Variants in AK2 observed in about 807,000 individuals in gnomAD.
AK2 encodes the protein adenylate kinase 2, mitochondrial.
AK2 carries 15 observed loss-of-function variants against 24.6 expected under a neutral mutation model. The observed-to-expected ratio is 0.61, with a 90% CI of 0.41 to 0.94. AK2 has a LOEUF of 0.94. AK2 is among the 40% of genes least tolerant of loss of function. AK2 has a pLI of 0.00. For synonymous variants in AK2, 102 were observed against 114.0 expected (o/e 0.90, Z 0.67); for missense variants, 257 against 304.1 (o/e 0.85, Z 1.15).
intron 5 of AK2, among the ~76,000 whole-genome samples, chr1:33,013,788 A>G (rs1639000959): frequency 6.6e-6 from 1 of 152,250 alleles, no homozygotes; most frequent in Admixed American, 6.5e-5. Context: ...AAGATACATT[A>G]GCAATTGTAA....
chr1:33,017,830 G>A (rs1330102286), intron 4 of AK2, among the ~76,000 whole-genome samples: 1 of 152,210 alleles, frequency 6.6e-6, no homozygotes, highest in East Asian at 1.9e-4. Context: ...TCATGGCTCA[G>A]TGCAGCCTCG....
chr1:33,036,822 G>A lies in AK2; in HGVS notation c.7C>T (p.Pro3Ser), dbSNP rs778787306. 10 of 1,591,812 alleles carry A rather than the reference G, an allele frequency of 6.3e-6. No individual in the cohort carries two copies. The highest frequency in any genetic ancestry group is 8.5e-6 in the Non-Finnish European group (10 of 1,169,888). MA[P>S]SVPAAEPEYP... Reference sequence around the variant, plus strand: ...TCGGGTTCTGCCGCTGGCACGCTGGGAGCCATGTCCGCCGAAGTCTCTCAC... The same window carrying A: ...TCGGGTTCTGCCGCTGGCACGCTGGAAGCCATGTCCGCCGAAGTCTCTCAC... Residue 3 changes from proline to serine, a missense_variant, in exon 1 of 6, where the codon CCC becomes TCC. Transcript: ENST00000672715.
At chr1:33,016,032 T>C (rs1295896289) in intron 4 of AK2, among the ~76,000 whole-genome samples, 1 of 152,068 alleles carries the variant, frequency 6.6e-6, no homozygotes, top group Non-Finnish European at 1.5e-5. Flanking sequence ...GGCACTGGGT[T>C]ATGGGCAGGA....
At position 33,015,697 on chromosome 1, in the gene AK2, C is replaced by G. The variant is rs564443245; in HGVS notation, c.426-1103G>C. On this transcript the variant is annotated intron_variant, in intron 4 of 5. Coordinates refer to ENST00000672715, the MANE Select transcript of AK2 (RefSeq NM_001625.4). The stretch of plus-strand genomic sequence containing the variant: ...CCTGAGGTCAGGAGTTCGAGACCAG[C>G]CTGACCAACGTGGCGAAACCCCGTT... Among the ~76,000 whole-genome samples the G allele has an allele frequency of 9.9e-5, 15 of 152,198 alleles. No individual in the cohort carries two copies. In the East Asian group the frequency reaches 2.7e-3, roughly 27 times the overall value.
intron 4 of AK2, among the ~76,000 whole-genome samples, chr1:33,016,658 G>A (rs745665920): frequency 3.7e-4 from 56 of 151,450 alleles, no homozygotes; most frequent in Admixed American, 9.9e-4. Context: ...ACAAGCATGC[G>A]CCACCATGCC....
At chr1:33,021,280 C>T in intron 4 of AK2, 87 bp downstream of exon 4, 2 of 1,184,884 alleles carry the variant, frequency 1.7e-6, no homozygotes, top group Non-Finnish European at 1.3e-6. Flanking sequence ...TGGCACTAAG[C>T]TTCATGGCCG....
chr1:33,010,913 C>T lies in AK2; in HGVS notation c.*2268G>A, dbSNP rs1440262491. 6.2e-7 allele frequency: 1 copy of T among 1,602,212 alleles called. No individual in the cohort carries two copies. Among genetic ancestry groups the T allele is most frequent in the Non-Finnish European group, 8.5e-7 (1 of 1,174,162 alleles). On this transcript the variant is annotated 3_prime_UTR_variant, in exon 6 of 6. Transcript: ENST00000672715. The stretch of plus-strand genomic sequence containing the variant: ...ATATCAGAGGAGGCTGGCATGTAAG[C>T]CCCAGCAACCAAATGCATTAAACAC...
intron 2 of AK2, among the ~76,000 whole-genome samples, chr1:33,022,446 T>A (rs2124334608): frequency 6.7e-6 from 1 of 149,472 alleles, no homozygotes; most frequent in Non-Finnish European, 1.5e-5. Flanking sequence ...ACCTCCACCT[T>A]CCAGGTTCAG....
Position 33,012,396 on chromosome 1 carries a change from A to T in AK2, c.*785T>A. On this transcript the variant is annotated 3_prime_UTR_variant, in exon 6 of 6. Transcript: ENST00000672715. ...CACACACTGACTCACGTGGGTTTTC[A>T]TCATGGGTTAGAAAACAAAATGGAA... 2.0e-6 allele frequency: 3 copies of T among 1,508,836 alleles called. No individual in the cohort carries two copies. Among genetic ancestry groups the T allele is most frequent in the Non-Finnish European group, 2.7e-6 (3 of 1,131,554 alleles). 93.5% of individuals were successfully genotyped at this position (1,508,836 alleles called of 1,614,324 possible).
chr1:33,007,984 T>C, downstream of AK2: 1 of 453,576 alleles, frequency 2.2e-6, no homozygotes. Flanking sequence ...ATGCAGAACC[T>C]CTCACACAGC....
At chr1:33,019,347 T>C (rs1237248713) in intron 4 of AK2, among the ~76,000 whole-genome samples, 4 of 152,276 alleles carry the variant, frequency 2.6e-5, no homozygotes, top group South Asian at 4.1e-4. Context: ...GCTGGGCCCA[T>C]AGAATCAAAG....
At chr1:33,027,868 T>C (rs1639999236) in intron 1 of AK2, among the ~76,000 whole-genome samples, 1 of 152,146 alleles carries the variant, frequency 6.6e-6, no homozygotes, top group Non-Finnish European at 1.5e-5. Context: ...GTCAGACAGA[T>C]TTACACTTGA....
intron 2 of AK2, among the ~76,000 whole-genome samples, chr1:33,022,612 C>T (rs1639632736): frequency 6.6e-6 from 1 of 152,102 alleles, no homozygotes; most frequent in African/African-American, 2.4e-5. Flanking sequence ...CTGTCTCAGC[C>T]TCCCAAAGTG....
In AK2 at chr1:33,013,115, GCCTGT is replaced by G; in HGVS notation, c.*61_*65del. Reference sequence around the variant, plus strand: ...TGCTAGCCTGAGGAAGCTTCTCTTTGCCTGTCCTATCATTCCCACCCATTGCCTCA... The same window carrying G: ...TGCTAGCCTGAGGAAGCTTCTCTTTGCCTATCATTCCCACCCATTGCCTCA... On this transcript the variant is annotated 3_prime_UTR_variant, in exon 6 of 6. Transcript: ENST00000672715. 6.2e-7 allele frequency: 1 copy of G among 1,613,280 alleles called. No homozygotes were observed. Among genetic ancestry groups the G allele is most frequent in the South Asian group, 1.1e-5 (1 of 90,704 alleles).
At position 33,009,728 on chromosome 1, in the gene AK2, T is replaced by A; in HGVS notation, c.*3453A>T. ...CCACTAGACCAAGCTGCCTTGTCTC[T>A]GGGCTCAAGAGAAGCCTGCATAGGA... On this transcript the variant is annotated 3_prime_UTR_variant, in exon 6 of 6. Coordinates refer to ENST00000672715, the MANE Select transcript of AK2 (RefSeq NM_001625.4). 1 of 454,172 alleles carries A rather than the reference T, an allele frequency of 2.2e-6. No individual in the cohort carries two copies. Among genetic ancestry groups the A allele is most frequent in the South Asian group, 1.6e-5 (1 of 64,476 alleles). 28.1% of individuals were successfully genotyped at this position (454,172 alleles called of 1,614,324 possible). A position where few individuals can be genotyped will look rare whatever the true frequency, so the allele number is the denominator to read the frequency against.
Position 33,010,939 on chromosome 1 carries a change from T to C in AK2, c.*2242A>G. 6.3e-7 allele frequency: 1 copy of C among 1,576,948 alleles called. No individual in the cohort carries two copies. Among genetic ancestry groups the C allele is most frequent in the Non-Finnish European group, 8.6e-7 (1 of 1,160,626 alleles). Reference sequence around the variant, plus strand: ...CCCAGCAACCAAATGCATTAAACACTGGACATTTCTGTGACAGGTAAAAGC... The same window carrying C: ...CCCAGCAACCAAATGCATTAAACACCGGACATTTCTGTGACAGGTAAAAGC... On this transcript the variant is annotated 3_prime_UTR_variant, in exon 6 of 6. Coordinates refer to ENST00000672715, the MANE Select transcript of AK2 (RefSeq NM_001625.4).
intron 4 of AK2, among the ~76,000 whole-genome samples, chr1:33,016,753 T>C (rs940255073): frequency 4.6e-5 from 7 of 152,152 alleles, no homozygotes; most frequent in African/African-American, 1.4e-4. Flanking sequence ...TTGCCCAGGC[T>C]GGAGTGCAGT....
At chr1:33,013,805 T>C (rs982895351) in intron 5 of AK2, among the ~76,000 whole-genome samples, 3 of 152,210 alleles carry the variant, frequency 2.0e-5, no homozygotes, top group Admixed American at 6.5e-5. Flanking sequence ...GTAATCTTAG[T>C]TGCTTAAATA....
At chr1:33,021,014 C>G (rs1639510767) in intron 4 of AK2, among the ~76,000 whole-genome samples, 2 of 151,782 alleles carry the variant, frequency 1.3e-5, no homozygotes, top group African/African-American at 4.8e-5. Flanking sequence ...GCCCTGGTGG[C>G]AGACACCTAT....
Sources: gnomAD v4.1 joint callset for allele counts (sites outside exome capture counted in the v4.1 genomes callset) on GRCh38, gnomAD v4.1.1 for gene constraint, MANE v1.5 for transcripts, NCBI Gene and HGNC (gene_info 2026-07-23, HGNC 2026-07-21) for gene names.